OVOL1: variants seen among roughly 807,000 people sequenced by gnomAD.
OVOL1 encodes the protein putative transcription factor Ovo-like 1.
Under a neutral mutation model 21.5 loss-of-function variants are expected in OVOL1, and 10 were observed. The ratio of observed to expected loss-of-function variants is 0.46; its 90% CI spans 0.29 to 0.79. OVOL1 has a LOEUF of 0.79. Among genes scored for constraint, OVOL1 ranks in the 30% least tolerant of loss-of-function variants. The pLI, the probability that OVOL1 is intolerant of heterozygous loss-of-function variation, is 0.10. For synonymous variants in OVOL1, 129 were observed against 150.3 expected, an observed-to-expected ratio of 0.86 and a Z score of 1.03; for missense variants, 279 against 362.3, an observed-to-expected ratio of 0.77 and a Z score of 1.87.
rs1371357283 is a variant in OVOL1 at position 65,795,119 on chromosome 11, G to C, written c.582G>C (p.Lys194Asn). The stretch of plus-strand genomic sequence containing the variant: ...GCTGCTCTCTGGAGTCTCACCTCAA[G>C]AAGATCCATGGTGTGCAGCAGAAGT... Reference protein sequence around the residue: ...TQRCSLESHLKKIHGVQQKYA... With the variant: ...TQRCSLESHLNKIHGVQQKYA... Residue 194 changes from lysine to asparagine, a missense_variant, in exon 4 of 4, where the codon AAG (lysine) becomes AAC (asparagine). Transcript: ENST00000335987. The surrounding 1 kb of genome is among the most constrained non-coding windows in gnomAD (Gnocchi z 5.7). 1 of 1,613,750 alleles carries C rather than the reference G, an allele frequency of 6.2e-7. No homozygotes were observed. Among genetic ancestry groups the C allele is most frequent in the Non-Finnish European group, 8.5e-7 (1 of 1,180,036 alleles).
intron 1 of OVOL1, chr11:65,793,711 A>C: frequency 1.4e-5 from 6 of 421,928 alleles, no homozygotes; most frequent in African/African-American, 2.0e-5. Flanking sequence ...GAGGCCTGGA[A>C]TTCAGAGGGA....
At chr11:65,788,475 GGGGGA>G in intron 1 of OVOL1, 1 of 982,870 alleles carries the variant, frequency 1.0e-6, no homozygotes, top group Non-Finnish European at 1.2e-6. Context: ...CCCCTCCGAG[GGGGGA>G]GGGGAGGAGT....
intron 1 of OVOL1, chr11:65,790,062 C>T (rs1226217181): frequency 6.7e-6 from 1 of 149,878 alleles, no homozygotes. Flanking sequence ...CAACCACCCT[C>T]CCCTCGCCTT....
At position 65,788,790 on chromosome 11, in the gene OVOL1, G is replaced by A. The variant is rs535828351; in HGVS notation, c.100+1317G>A. On this transcript the variant is annotated intron_variant, in intron 1 of 3. Transcript: ENST00000335987. Reference sequence around the variant, plus strand: ...GTGCCAGAAGACCCTGGTAACCCCAGTGGGGAAACTGAGGCAAAAAGGGAA... The same window carrying A: ...GTGCCAGAAGACCCTGGTAACCCCAATGGGGAAACTGAGGCAAAAAGGGAA... The A allele has an allele frequency of 1.4e-3, 1,352 of 985,378 alleles. 2 individuals carry two copies. The highest frequency in any genetic ancestry group is 1.6e-3 in the Non-Finnish European group (1,318 of 829,956). The allele number at this position is 985,378 out of a possible 1,614,324, so 61.0% of individuals were successfully genotyped here.
At chr11:65,793,953 A>C in intron 1 of OVOL1, 78 bp from the exon 2 acceptor site, 1 of 1,181,070 alleles carries the variant, frequency 8.5e-7, no homozygotes, top group Admixed American at 1.9e-5. Context: ...CAGCCGTCTC[A>C]TGGCTAGGGA....
chr11:65,788,460 C>T lies in OVOL1; in HGVS notation c.100+987C>T, dbSNP rs957271015. ...GGGCGTGGACGCTCTGAACGCCCAG[C>T]CCAGCCCCTCCGAGGGGGGAGGGGA... On this transcript the variant is annotated intron_variant, in intron 1 of 3. Coordinates refer to ENST00000335987, the MANE Select transcript of OVOL1 (RefSeq NM_004561.4). The T allele has an allele frequency of 5.1e-6, 5 of 984,410 alleles. No individual in the cohort carries two copies. The African/African-American group carries it at 8.7e-5, about 17-fold the overall frequency. The allele number at this position is 984,410 out of a possible 1,614,324, so 61.0% of individuals were successfully genotyped here.
chr11:65,792,979 C>G (rs901195564), intron 1 of OVOL1, among the ~76,000 whole-genome samples: 1 of 152,254 alleles, frequency 6.6e-6, no homozygotes, highest in African/African-American at 2.4e-5. Context: ...CCCACATCAG[C>G]CTCCCTCGGA....
intron 1 of OVOL1, chr11:65,788,642 C>T (rs1857950693): frequency 1.0e-6 from 1 of 985,332 alleles, no homozygotes; most frequent in East Asian, 1.1e-4. Flanking sequence ...AGACAGTGTC[C>T]TGGTGAGGTC....
chr11:65,793,985 C>T, intron 1 of OVOL1, 46 bp from the exon 2 acceptor site: 1 of 1,511,004 alleles, frequency 6.6e-7, no homozygotes, highest in South Asian at 1.1e-5. Context: ...ACCCGCTGGA[C>T]CCTCTCTTCT....
chr11:65,793,410 G>A (rs1312370496), intron 1 of OVOL1, among the ~76,000 whole-genome samples: 4 of 152,192 alleles, frequency 2.6e-5, no homozygotes, highest in African/African-American at 4.8e-5. Flanking sequence ...ATCCACCTGC[G>A]GCTCCCTGAC....
At chr11:65,794,932 C>A in intron 3 of OVOL1, 114 bp from the exon 4 acceptor site, 1 of 1,137,644 alleles carries the variant, frequency 8.8e-7, no homozygotes, top group Non-Finnish European at 1.3e-6. Context: ...GACAGGCCTC[C>A]GTCCATCCCT....
In OVOL1 at chr11:65,795,646, A is replaced by C; in HGVS notation, c.*305A>C. On this transcript the variant is annotated 3_prime_UTR_variant, in exon 4 of 4. Transcript: ENST00000335987. This position sits in a 1 kb window ranked among gnomAD's most constrained non-coding sequence, Gnocchi z 5.7. ...ATTAGAAGCAGCCGCCCACAGAGAC[A>C]GGCACTGTGTGCCTGGCAGCAGGAC... 2.1e-6 allele frequency: 1 copy of C among 475,252 alleles called. No homozygotes were observed. The highest frequency in any genetic ancestry group is 3.7e-5 in the East Asian group (1 of 26,950). 29.4% of individuals were successfully genotyped at this position (475,252 alleles called of 1,614,324 possible). A position where few individuals can be genotyped will look rare whatever the true frequency, so the allele number is the denominator to read the frequency against.
rs1351639738 is a variant in OVOL1, at chr11:65,794,573, C to G, written c.354C>G (p.Phe118Leu). Residue 118 changes from phenylalanine (F) to leucine (L), a missense_variant, in exon 3 of 4, where the codon TTC becomes TTG. Phe to Leu is a conservative substitution (Grantham distance 22, BLOSUM62 0). Coordinates refer to ENST00000335987, the MANE Select transcript of OVOL1 (RefSeq NM_004561.4). ...GGGACAGTCCCAGTGGAGACCTGTT[C>G]ACCTGCCGTGTCTGCCAGAAGGCCT... ...TLGDSPSGDLFTCRVCQKAFT... is the reference protein window; with the variant it reads ...TLGDSPSGDLLTCRVCQKAFT... The G allele has an allele frequency of 6.2e-7, 1 of 1,613,452 alleles. No homozygotes were observed. The highest frequency in any genetic ancestry group is 1.1e-5 in the South Asian group (1 of 91,084).
Position 65,787,329 on chromosome 11 carries a change from C to T in OVOL1, c.-45C>T, listed in dbSNP as rs755682843. The T allele has an allele frequency of 6.7e-7, 1 of 1,490,774 alleles. No individual in the cohort carries two copies. Among genetic ancestry groups the T allele is most frequent in the South Asian group, 1.2e-5 (1 of 83,194 alleles). The allele number at this position is 1,490,774 out of a possible 1,614,324, so 92.3% of individuals were successfully genotyped here. A position where few individuals can be genotyped will look rare whatever the true frequency, so the allele number is the denominator to read the frequency against. ...CCCGCAAAGGTGGGACGGCTCCCGG[C>T]TTCAGTTACGGAAGCGGCCCGTGTC... On this transcript the variant is annotated 5_prime_UTR_variant, in exon 1 of 4. Transcript: ENST00000335987.
chr11:65,788,508 T>C, intron 1 of OVOL1: 3 of 985,228 alleles, frequency 3.0e-6, no homozygotes, highest in Non-Finnish European at 3.6e-6. Context: ...CAACTGACTT[T>C]GACCCTTGAT....
chr11:65,794,768 G>C (rs563960747), intron 3 of OVOL1, 41 bp downstream of exon 3: 15 of 1,587,064 alleles, frequency 9.5e-6, no homozygotes, highest in Admixed American at 6.7e-5. Context: ...CGCCGGATCC[G>C]CCTGGCCGCG....
At chr11:65,791,669 C>T (rs1467261776) in intron 1 of OVOL1, among the ~76,000 whole-genome samples, 1 of 152,226 alleles carries the variant, frequency 6.6e-6, no homozygotes, top group Non-Finnish European at 1.5e-5. Flanking sequence ...GAGCCTGGCC[C>T]TCAACATTGT....
intron 1 of OVOL1, chr11:65,793,823 C>T (rs746038332): frequency 3.7e-5 from 22 of 593,674 alleles, no homozygotes; most frequent in Non-Finnish European, 6.3e-5. Flanking sequence ...CGGGCAGTGG[C>T]GCTTGGCTGG....
At chr11:65,788,471 C>T in intron 1 of OVOL1, 1 of 984,576 alleles carries the variant, frequency 1.0e-6, no homozygotes, top group Non-Finnish European at 1.2e-6. Context: ...CCAGCCCCTC[C>T]GAGGGGGGAG....
Sources: allele counts gnomAD v4.1 joint callset (sites outside exome capture counted in the v4.1 genomes callset), GRCh38; gene constraint gnomAD v4.1.1; non-coding constraint Gnocchi (gnomAD v3.1); transcripts MANE v1.5; gene names NCBI Gene and HGNC (gene_info 2026-07-23, HGNC 2026-07-21).